Variants in CDC14B observed in about 807,000 individuals in gnomAD.
The protein encoded by CDC14B is dual specificity protein phosphatase CDC14B.
A neutral mutation model predicts 64.2 loss-of-function variants in CDC14B; 22 were observed. The observed-to-expected ratio is 0.34, with a 90% confidence interval of 0.24 to 0.49. CDC14B has a LOEUF of 0.49. Ranked by LOEUF, CDC14B falls within the 20% of genes least tolerant of loss-of-function variation. The pLI is 0.99. For synonymous variants in CDC14B, 191 were observed against 215.8 expected (o/e 0.89, Z 1.01); for missense variants, 498 against 629.9 (o/e 0.79, Z 2.24).
rs539253741 is a variant in CDC14B, at chr9:96,502,757, G to A, written c.*996C>T. The A allele has an allele frequency of 4.5e-5, 18 of 397,216 alleles. No homozygotes were observed. The highest frequency in any genetic ancestry group is 3.7e-4 in the African/African-American group (18 of 48,510). 24.6% of individuals were successfully genotyped at this position (397,216 alleles called of 1,614,324 possible). On this transcript the variant is annotated 3_prime_UTR_variant, in exon 14 of 14. Transcript: ENST00000375241. ...CAGTGAGATCCAGAAGCAGATCATT[G>A]TCACTGAGATCGCAGGCCACGTCAA...
chr9:96,586,769 C>T (rs1395202483), intron 1 of CDC14B, among the ~76,000 whole-genome samples: 1 of 151,968 alleles, frequency 6.6e-6, no homozygotes, highest in East Asian at 1.9e-4. Context: ...CTAAAATTGG[C>T]ACAAAGGAAA....
At chr9:96,492,367 C>G (rs1833111995) in exon 14 of CDC14B, 1 of 152,354 alleles carries the variant, frequency 6.6e-6, no homozygotes, top group Admixed American at 6.5e-5. Flanking sequence ...AGGGTGAGGT[C>G]CTGGGGCTGC....
At chr9:96,512,326 C>CTTTTTT (rs776677638) in intron 12 of CDC14B, among the ~76,000 whole-genome samples, 1 of 132,092 alleles carries the variant, frequency 7.6e-6, no homozygotes, top group African/African-American at 2.7e-5. Context: ...AATTTTTTTT[C>CTTTTTT]TTTTTTTTTT....
At chr9:96,602,792 C>T (rs907710942) in intron 1 of CDC14B, among the ~76,000 whole-genome samples, 3 of 152,114 alleles carry the variant, frequency 2.0e-5, no homozygotes, top group Non-Finnish European at 4.4e-5. Flanking sequence ...CTATTCTTTG[C>T]TATTAGGATC....
chr9:96,601,293 T>G (rs1372148104), intron 1 of CDC14B, among the ~76,000 whole-genome samples: 11 of 151,964 alleles, frequency 7.2e-5, no homozygotes, highest in Admixed American at 6.6e-5. Context: ...GGTCAAGAGA[T>G]TGAGACCATC....
chr9:96,550,626 GA>G (rs969904223), intron 5 of CDC14B, among the ~76,000 whole-genome samples: 36 of 152,200 alleles, frequency 2.4e-4, no homozygotes, highest in African/African-American at 8.7e-4. Context: ...ATTAATTTGT[GA>G]ATGGAAGAAC....
intron 4 of CDC14B, among the ~76,000 whole-genome samples, chr9:96,560,580 T>A (rs1053454831): frequency 8.2e-5 from 12 of 145,502 alleles, no homozygotes; most frequent in Non-Finnish European, 1.2e-4. Flanking sequence ...ACTTTTCTCT[T>A]TCTCTTTTTT....
At chr9:96,553,321 C>T (rs1443703132) in intron 4 of CDC14B, among the ~76,000 whole-genome samples, 1 of 151,870 alleles carries the variant, frequency 6.6e-6, no homozygotes, top group Non-Finnish European at 1.5e-5. Context: ...GGAAAATTTT[C>T]CCAATGACTG....
intron 1 of CDC14B, among the ~76,000 whole-genome samples, chr9:96,610,489 C>G (rs1847243752): frequency 6.6e-6 from 1 of 152,116 alleles, no homozygotes; most frequent in African/African-American, 2.4e-5. Flanking sequence ...TGAGCCACCG[C>G]ACCCGGCAAG....
At chr9:96,544,520 G>A (rs1299703553) in intron 5 of CDC14B, among the ~76,000 whole-genome samples, 3 of 151,898 alleles carry the variant, frequency 2.0e-5, no homozygotes, top group Admixed American at 6.6e-5. Context: ...TTTGAGACAC[G>A]GTCTCACTAT....
intron 12 of CDC14B, among the ~76,000 whole-genome samples, chr9:96,521,147 G>A (rs1160376824): frequency 6.6e-6 from 1 of 152,154 alleles, no homozygotes; most frequent in Non-Finnish European, 1.5e-5. Flanking sequence ...TCGGCTCAAT[G>A]CAATCTCTGC....
At chr9:96,506,298 T>C (rs1286675716) in intron 13 of CDC14B, among the ~76,000 whole-genome samples, 5 of 152,126 alleles carry the variant, frequency 3.3e-5, no homozygotes, top group Admixed American at 2.0e-4. Flanking sequence ...ATATACTAAT[T>C]CCCTCTTGCC....
chr9:96,612,332 A>G (rs1477123162), intron 1 of CDC14B, among the ~76,000 whole-genome samples: 1 of 152,228 alleles, frequency 6.6e-6, no homozygotes, highest in African/African-American at 2.4e-5. Flanking sequence ...TCCAGCCGTG[A>G]TGACTGTGCC....
At chr9:96,557,891 C>T (rs746969018) in intron 4 of CDC14B, among the ~76,000 whole-genome samples, 2 of 152,196 alleles carry the variant, frequency 1.3e-5, no homozygotes, top group East Asian at 1.9e-4. Flanking sequence ...TTATTTTTTA[C>T]ACAAAATGCT....
intron 3 of CDC14B, 63 bp downstream of exon 3, chr9:96,564,714 C>A: frequency 1.0e-6 from 1 of 960,962 alleles, no homozygotes. Context: ...AGATGTTTTC[C>A]TTACTTTCGT....
chr9:96,554,021 C>T (rs180917870), intron 4 of CDC14B, among the ~76,000 whole-genome samples: 1 of 152,066 alleles, frequency 6.6e-6, no homozygotes, highest in East Asian at 1.9e-4. Flanking sequence ...AAAAATTACC[C>T]TGCATGGTGG....
exon 14 of CDC14B, chr9:96,491,289 C>T (rs1400252221): frequency 6.6e-6 from 1 of 152,250 alleles, no homozygotes; most frequent in East Asian, 1.9e-4. Flanking sequence ...TCTAAGGTGG[C>T]TTTGAACTGG....
At chr9:96,524,197 C>T (rs1443846143) in intron 9 of CDC14B, among the ~76,000 whole-genome samples, 1 of 152,260 alleles carries the variant, frequency 6.6e-6, no homozygotes, top group Non-Finnish European at 1.5e-5. Context: ...GCCTTGGCCT[C>T]CTAAAATGCT....
intron 1 of CDC14B, among the ~76,000 whole-genome samples, chr9:96,598,412 T>C (rs1426572028): frequency 6.6e-6 from 1 of 152,164 alleles, no homozygotes; most frequent in African/African-American, 2.4e-5. Context: ...TCTTGGCTCA[T>C]TGCAAGCTCC....
Sources: gnomAD v4.1 joint callset for allele counts (sites outside exome capture counted in the v4.1 genomes callset) on GRCh38, gnomAD v4.1.1 for gene constraint, MANE v1.5 for transcripts, NCBI Gene and HGNC (gene_info 2026-07-23, HGNC 2026-07-21) for gene names.